Variants in PDE4DIP observed in about 807,000 individuals in gnomAD.
PDE4DIP encodes myomegalin.
In PDE4DIP, 59 loss-of-function variants were observed where a neutral mutation model predicts 221.4. That is an observed-to-expected ratio of 0.27 (90% CI 0.22 to 0.33). PDE4DIP has a LOEUF of 0.33. Ranked by LOEUF, PDE4DIP falls within the 10% of genes least tolerant of loss-of-function variation. PDE4DIP has a pLI of 1.00. For missense variants in PDE4DIP, 1,036 were observed against 2,154.2 expected, an observed-to-expected ratio of 0.48 and a Z score of 10.28; for synonymous variants, 404 against 815.9, an observed-to-expected ratio of 0.50 and a Z score of 8.60.
chr1:148,939,562 T>C, intron 5 of PDE4DIP, among the ~76,000 whole-genome samples: 1 of 147,950 alleles, frequency 6.8e-6, no homozygotes, highest in Admixed American at 6.8e-5. Flanking sequence ...TGGAAAGCAT[T>C]GGTTAACAAA....
At chr1:148,915,170 C>T (rs587682267) in intron 1 of PDE4DIP, among the ~76,000 whole-genome samples, 18 of 148,750 alleles carry the variant, frequency 1.2e-4, no homozygotes, top group Admixed American at 8.7e-4. Context: ...TTGTTTGAGA[C>T]AGAGTATGTC....
At chr1:148,948,697 A>G (rs1553485316) in intron 5 of PDE4DIP, among the ~76,000 whole-genome samples, 1 of 139,462 alleles carries the variant, frequency 7.2e-6, no homozygotes. Context: ...TATACTATGT[A>G]TACAATCTAC....
At chr1:148,954,974 G>T (rs1358974023) in intron 5 of PDE4DIP, among the ~76,000 whole-genome samples, 4 of 152,074 alleles carry the variant, frequency 2.6e-5, no homozygotes, top group African/African-American at 9.7e-5. Flanking sequence ...TTGGAAAGTA[G>T]TTCTATGGTA....
chr1:149,006,982 G>A lies in PDE4DIP; in HGVS notation c.4416-219G>A, dbSNP rs587663320. ...CTCCCAAAGTGCTGGGATTACAGGC[G>A]TGAGCTACCACGCCCGGCCCGTACT... On this transcript the variant is annotated intron_variant, in intron 27 of 43. Coordinates refer to ENST00000369354, the Ensembl canonical transcript of PDE4DIP. Among the ~76,000 whole-genome samples, 68 of 137,232 alleles carry A rather than the reference G, an allele frequency of 5.0e-4. 2 individuals carry two copies. The highest frequency in any genetic ancestry group is 1.9e-3 in the East Asian group (9 of 4,756). 90.0% of individuals were successfully genotyped at this position (137,232 alleles called of 152,430 possible). A position where few individuals can be genotyped will look rare whatever the true frequency, so the allele number is the denominator to read the frequency against.
intron 1 of PDE4DIP, among the ~76,000 whole-genome samples, chr1:148,919,842 T>C (rs1348335908): frequency 6.7e-6 from 1 of 149,478 alleles, no homozygotes; most frequent in African/African-American, 2.5e-5. Context: ...AGGATGGGAT[T>C]TGGTCATATT....
At chr1:148,961,464 G>T (rs1553509864) in intron 6 of PDE4DIP, among the ~76,000 whole-genome samples, 4 of 152,046 alleles carry the variant, frequency 2.6e-5, no homozygotes, top group African/African-American at 9.6e-5. Context: ...TGAACTTGTG[G>T]CCTGGGTGCC....
chr1:148,956,056 A>G (rs1393744701), intron 5 of PDE4DIP, among the ~76,000 whole-genome samples: 2 of 152,170 alleles, frequency 1.3e-5, no homozygotes, highest in African/African-American at 4.8e-5. Flanking sequence ...TAAGAGCCTT[A>G]TGACAAAACC....
intron 37 of PDE4DIP, among the ~76,000 whole-genome samples, chr1:149,023,409 TA>T (rs2073765861): frequency 6.7e-6 from 1 of 149,724 alleles, no homozygotes; most frequent in African/African-American, 2.4e-5. Context: ...AAACAAATTT[TA>T]CCTTTCGAAA....
intron 5 of PDE4DIP, among the ~76,000 whole-genome samples, chr1:148,941,443 G>T (rs2050510637): frequency 1.5e-5 from 2 of 135,496 alleles, no homozygotes; most frequent in South Asian, 5.0e-4. Flanking sequence ...TTGAGCTAAG[G>T]GCTTCATGTT....
chr1:148,959,391 T>C (rs2056275869), intron 5 of PDE4DIP, among the ~76,000 whole-genome samples: 1 of 151,854 alleles, frequency 6.6e-6, no homozygotes, highest in African/African-American at 2.4e-5. Flanking sequence ...GCAATTTTTA[T>C]GCTTCCAGTC....
At chr1:148,980,053 G>A (rs1334435697) in intron 20 of PDE4DIP, among the ~76,000 whole-genome samples, 2 of 152,210 alleles carry the variant, frequency 1.3e-5, no homozygotes, top group East Asian at 3.8e-4. Context: ...ATCTTAAGTT[G>A]GGATTAGTGC....
chr1:148,823,606 G>C (rs1380536485), intron 1 of PDE4DIP, among the ~76,000 whole-genome samples: 10 of 150,182 alleles, frequency 6.7e-5, no homozygotes, highest in African/African-American at 2.5e-4. Context: ...AGTGACCCTA[G>C]TGTACAAACA....
At chr1:148,953,173 G>A (rs1220929012) in intron 5 of PDE4DIP, 2 of 1,614,048 alleles carry the variant, frequency 1.2e-6, no homozygotes, top group Non-Finnish European at 1.7e-6. Context: ...TGCTCCAGGA[G>A]GACTTCGCCT....
intron 21 of PDE4DIP, among the ~76,000 whole-genome samples, chr1:148,987,072 G>A (rs2062038905): frequency 6.6e-6 from 1 of 152,166 alleles, no homozygotes; most frequent in African/African-American, 2.4e-5. Flanking sequence ...ACCCCCAAAA[G>A]TATTTTAGAT....
intron 5 of PDE4DIP, among the ~76,000 whole-genome samples, chr1:148,948,562 C>T (rs1400628532): frequency 1.3e-5 from 2 of 151,396 alleles, no homozygotes; most frequent in Non-Finnish European, 2.9e-5. Context: ...TATTTTATAG[C>T]ATTTCCCTAA....
At chr1:148,979,658 A>T (rs1559132670) in intron 19 of PDE4DIP, 79 bp from the exon 23 acceptor site, 14 of 1,298,824 alleles carry the variant, frequency 1.1e-5, no homozygotes, top group Non-Finnish European at 1.3e-5. Context: ...GTCATAGTAC[A>T]TGCTAATGCA....
At chr1:148,971,320 C>T (rs1437456181) in intron 14 of PDE4DIP, among the ~76,000 whole-genome samples, 3 of 150,372 alleles carry the variant, frequency 2.0e-5, no homozygotes, top group Admixed American at 6.6e-5. Context: ...AGGAAACTTA[C>T]ATTCCATGTA....
At chr1:148,927,225 A>G (rs1205424856) in intron 1 of PDE4DIP, among the ~76,000 whole-genome samples, 2 of 152,048 alleles carry the variant, frequency 1.3e-5, no homozygotes, top group African/African-American at 4.8e-5. Flanking sequence ...AGACAGGGCT[A>G]TCATTCCTTC....
chr1:148,998,129 T>C lies in PDE4DIP; in HGVS notation c.2905-14T>C, dbSNP rs1370645248. ...TTAATGGCCTAACTTCTTCAAACCA[T>C]GATTTTCTTTTAGCTTGTCAAGGTG... On this transcript the variant is annotated splice_polypyrimidine_tract_variant and intron_variant, in intron 22 of 43. Coordinates refer to ENST00000369354, the Ensembl canonical transcript of PDE4DIP. The C allele has an allele frequency of 1.1e-6, 1 of 897,020 alleles. No homozygotes were observed. The highest frequency in any genetic ancestry group is 1.8e-6 in the Non-Finnish European group (1 of 556,358). 55.6% of individuals were successfully genotyped at this position (897,020 alleles called of 1,614,324 possible). A position where few individuals can be genotyped will look rare whatever the true frequency, so the allele number is the denominator to read the frequency against.
Sources: allele counts gnomAD v4.1 joint callset (sites outside exome capture counted in the v4.1 genomes callset), GRCh38; gene constraint gnomAD v4.1.1; transcripts MANE v1.5; gene names NCBI Gene and HGNC (gene_info 2026-07-23, HGNC 2026-07-21).